Variants in CDK11B observed in about 807,000 individuals in gnomAD.
CDK11B encodes cyclin-dependent kinase 11B.
CDK11B carries 37 observed loss-of-function variants against 84.0 expected under a neutral mutation model. The ratio of observed to expected loss-of-function variants is 0.44; its 90% CI spans 0.34 to 0.58. The LOEUF (loss-of-function observed/expected upper bound fraction) is 0.58. Ranked by LOEUF, CDK11B falls within the 20% of genes least tolerant of loss-of-function variation. CDK11B has a pLI of 0.02. For missense variants in CDK11B, 427 were observed against 834.0 expected (o/e 0.51, Z 6.01); for synonymous variants, 269 against 309.8 (o/e 0.87, Z 1.38).
chr1:1,640,681 G>A (rs1247649298), intron 10 of CDK11B, among the ~76,000 whole-genome samples: 4 of 152,162 alleles, frequency 2.6e-5, no homozygotes, highest in East Asian at 1.9e-4. Flanking sequence ...GGTGTCATGT[G>A]GGGGACAAGC....
At chr1:1,646,804 C>T (rs1220743808) in intron 5 of CDK11B, 1 of 519,910 alleles carries the variant, frequency 1.9e-6, no homozygotes, top group Non-Finnish European at 3.9e-6. Context: ...GTTCTTCTCT[C>T]TGAGCAGCTT....
intron 2 of CDK11B, 139 bp from the exon 3 acceptor site, chr1:1,655,623 T>C (rs772062978): frequency 3.0e-6 from 4 of 1,327,702 alleles, no homozygotes; most frequent in Non-Finnish European, 4.0e-6. Flanking sequence ...GCCAGTGTTA[T>C]AAAATATAAA....
chr1:1,652,648 A>G (rs1642158205), intron 3 of CDK11B, 82 bp from the exon 4 acceptor site: 2 of 1,028,000 alleles, frequency 1.9e-6, no homozygotes, highest in East Asian at 2.9e-5. Context: ...TCTTCAACCC[A>G]GAAAAATGCA....
In CDK11B at chr1:1,655,425, G is replaced by A; in HGVS notation, c.171C>T (p.Arg57=). The A allele has an allele frequency of 6.2e-7, 1 of 1,612,318 alleles. No individual in the cohort carries two copies. Among genetic ancestry groups the A allele is most frequent in the Non-Finnish European group, 8.5e-7 (1 of 1,178,478 alleles). The part of the protein sequence containing the change: ...SLEEGELRDH[R]MEITIRNSPY... ...GGGAGTTCCTTATTGTGATCTCCAT[G>A]CGGTGATCTCTCAGCTCCCCCTCCT... Residue 57 remains arginine, a synonymous_variant, in exon 3 of 20, where the codon CGC becomes CGT. Coordinates refer to ENST00000341832, the MANE Select transcript of CDK11B (RefSeq NM_033486.3).
rs782129056 is a variant in CDK11B at position 1,653,825 on chromosome 1, TACAC to T, written c.228-1263_228-1260del. Among the ~76,000 whole-genome samples, 381 of 121,868 alleles carry T rather than the reference TACAC, an allele frequency of 3.1e-3. 1 individual carries two copies. Among genetic ancestry groups the T allele is most frequent in the African/African-American group, 0.011 (302 of 26,300 alleles). The allele number at this position is 121,868 out of a possible 152,430, so 80.0% of individuals were successfully genotyped here. ...CAGTGAAATCCGTCTCTACTAAAAA[TACAC>T]ACACACACACACACACACACACACA... is the stretch of plus-strand genomic sequence containing the variant. On this transcript the variant is annotated intron_variant, in intron 3 of 19. Coordinates refer to ENST00000341832, the MANE Select transcript of CDK11B (RefSeq NM_033486.3).
At chr1:1,639,539 C>A (rs1639933561) in intron 11 of CDK11B, among the ~76,000 whole-genome samples, 1 of 151,950 alleles carries the variant, frequency 6.6e-6, no homozygotes, top group African/African-American at 2.4e-5. Flanking sequence ...GCCAGGGCAC[C>A]TACCCCTCCG....
intron 5 of CDK11B, 63 bp from the exon 6 acceptor site, chr1:1,645,325 A>G: frequency 6.2e-7 from 1 of 1,611,362 alleles, no homozygotes; most frequent in Non-Finnish European, 8.5e-7. Flanking sequence ...TTTTGTCCAC[A>G]TTTGTAAACT....
chr1:1,648,526 C>G (rs1274331532), intron 5 of CDK11B, among the ~76,000 whole-genome samples: 1 of 148,004 alleles, frequency 6.8e-6, no homozygotes, highest in East Asian at 2.1e-4. Flanking sequence ...GCTGCCCTTC[C>G]GCTTCAGACT....
At chr1:1,647,575 G>C (rs1293367321) in intron 5 of CDK11B, among the ~76,000 whole-genome samples, 1 of 152,250 alleles carries the variant, frequency 6.6e-6, no homozygotes, top group Non-Finnish European at 1.5e-5. Context: ...GGCTGTGTGT[G>C]GACAGGGAGC....
intron 17 of CDK11B, 36 bp from the exon 18 acceptor site, chr1:1,636,517 T>A: frequency 6.3e-7 from 1 of 1,599,650 alleles, no homozygotes; most frequent in Non-Finnish European, 8.5e-7. Context: ...CCACACCAAG[T>A]GGCCCACAGT....
chr1:1,652,762 G>A (rs1642175174), intron 3 of CDK11B, among the ~76,000 whole-genome samples, 196 bp from the exon 4 acceptor site: 1 of 151,672 alleles, frequency 6.6e-6, no homozygotes, highest in East Asian at 1.9e-4. Flanking sequence ...AGACAGTCTC[G>A]CTCTGTTGCC....
intron 4 of CDK11B, among the ~76,000 whole-genome samples, chr1:1,651,531 A>G (rs1235049723): frequency 7.5e-6 from 1 of 133,644 alleles, no homozygotes. Flanking sequence ...TACTCTCTCT[A>G]TAGCCCTTCT....
At chr1:1,640,634 A>C (rs1313157614) in intron 10 of CDK11B, among the ~76,000 whole-genome samples, 182 bp from the exon 11 acceptor site, 1 of 151,950 alleles carries the variant, frequency 6.6e-6, no homozygotes, top group African/African-American at 2.4e-5. Flanking sequence ...GGCTCGGCTG[A>C]GACAGAGCCC....
intron 2 of CDK11B, among the ~76,000 whole-genome samples, chr1:1,656,141 A>C (rs1171755235): frequency 6.6e-6 from 1 of 152,166 alleles, no homozygotes; most frequent in Non-Finnish European, 1.5e-5. Context: ...TGGCTCCAAA[A>C]CACCACAATA....
chr1:1,650,418 T>C (rs1443446928), intron 4 of CDK11B, among the ~76,000 whole-genome samples: 7 of 142,356 alleles, frequency 4.9e-5, no homozygotes, highest in Non-Finnish European at 9.1e-5. Context: ...CAGGCTGGAG[T>C]GCAGTGGCGC....
chr1:1,652,599 T>A, intron 3 of CDK11B, 33 bp from the exon 4 acceptor site: 1 of 1,360,640 alleles, frequency 7.3e-7, no homozygotes, highest in Non-Finnish European at 9.5e-7. Context: ...TGCATCATGC[T>A]TGAGAAAGTG....
At chr1:1,655,314 C>G (rs557419595) in intron 3 of CDK11B, 55 bp downstream of exon 3, 1 of 1,573,420 alleles carries the variant, frequency 6.4e-7, no homozygotes, top group Non-Finnish European at 8.6e-7. Flanking sequence ...TAGGAAGGAC[C>G]GGCCAGGCCA....
At chr1:1,640,588 C>T (rs1640132844) in intron 10 of CDK11B, 136 bp from the exon 11 acceptor site, 3 of 1,066,890 alleles carry the variant, frequency 2.8e-6, no homozygotes, top group South Asian at 1.5e-5. Context: ...CTCTCGTCCC[C>T]TGGACACAGG....
intron 3 of CDK11B, chr1:1,654,119 G>A (rs750736551): frequency 1.3e-5 from 6 of 462,862 alleles, no homozygotes; most frequent in South Asian, 9.3e-5. Flanking sequence ...CACACCTTAA[G>A]CTTCTCAGGA....
Sources: allele counts gnomAD v4.1 joint callset (sites outside exome capture counted in the v4.1 genomes callset), GRCh38; gene constraint gnomAD v4.1.1; transcripts MANE v1.5; gene names NCBI Gene and HGNC (gene_info 2026-07-23, HGNC 2026-07-21).